Variants in TMCO5A observed in about 807,000 individuals in gnomAD.
TMCO5A encodes the protein transmembrane and coiled-coil domain-containing protein 5A.
In TMCO5A, 34 loss-of-function variants were observed where a neutral mutation model predicts 42.3. The ratio of observed to expected loss-of-function variants is 0.80; its 90% CI spans 0.61 to 1.07. The LOEUF (loss-of-function observed/expected upper bound fraction) is 1.07, where lower values mean the gene tolerates loss of function less well. TMCO5A is among the 50% of genes least tolerant of loss of function. The pLI, the probability that TMCO5A is intolerant of heterozygous loss-of-function variation, is 0.00. For synonymous variants in TMCO5A, 131 were observed against 115.6 expected (o/e 1.13, Z -0.86); for missense variants, 357 against 327.9 (o/e 1.09, Z -0.69).
the TMCO5A span, among the ~76,000 whole-genome samples, chr15:37,979,277 C>T: frequency 6.6e-6 from 1 of 151,582 alleles, no homozygotes; most frequent in African/African-American, 2.4e-5. Context: ...CTTTTTGCTC[C>T]CTCCCAAGCC....
intron 11 of TMCO5A, 117 bp from the exon 12 acceptor site, chr15:37,950,919 G>T: frequency 1.2e-6 from 1 of 826,152 alleles, no homozygotes. Flanking sequence ...TCAGGAAAGG[G>T]GGTGATAATC....
intron 10 of TMCO5A, among the ~76,000 whole-genome samples, chr15:37,946,879 C>G (rs937853218): frequency 6.6e-6 from 1 of 152,094 alleles, no homozygotes; most frequent in African/African-American, 2.4e-5. Flanking sequence ...GCCAGAACTT[C>G]CAATGCTATG....
chr15:37,978,355 CCACT>C, the TMCO5A span, among the ~76,000 whole-genome samples: 4 of 152,180 alleles, frequency 2.6e-5, no homozygotes, highest in Non-Finnish European at 4.4e-5. Flanking sequence ...TTGTCAGTTG[CCACT>C]CAGAGCTCGG....
the TMCO5A span, among the ~76,000 whole-genome samples, chr15:38,010,569 T>C: frequency 6.6e-6 from 1 of 151,934 alleles, no homozygotes; most frequent in Non-Finnish European, 1.5e-5. Context: ...AGGGGGAACC[T>C]GCAGAGGGAG....
chr15:38,009,683 C>A, the TMCO5A span, among the ~76,000 whole-genome samples: 1 of 152,120 alleles, frequency 6.6e-6, no homozygotes, highest in Non-Finnish European at 1.5e-5. Context: ...GTTAGATATC[C>A]AAACTTAGAG....
At chr15:38,000,838 A>C in the TMCO5A span, among the ~76,000 whole-genome samples, 1 of 152,042 alleles carries the variant, frequency 6.6e-6, no homozygotes, top group Non-Finnish European at 1.5e-5. Context: ...ATTGATTTCT[A>C]GTTTTATTCC....
intron 11 of TMCO5A, among the ~76,000 whole-genome samples, chr15:37,958,099 T>C (rs1009654829): frequency 1.3e-5 from 2 of 152,086 alleles, no homozygotes; most frequent in African/African-American, 4.8e-5. Flanking sequence ...TCAAGATGGA[T>C]TAAAGACTTA....
At chr15:38,040,566 A>C in the TMCO5A span, 1 of 152,240 alleles carries the variant, frequency 6.6e-6, no homozygotes. Flanking sequence ...TCAACTGATG[A>C]ATGGAGAAAT....
At chr15:37,936,219 A>G in intron 2 of TMCO5A, 95 bp from the exon 3 acceptor site, 1 of 1,397,436 alleles carries the variant, frequency 7.2e-7, no homozygotes, top group Non-Finnish European at 9.7e-7. Flanking sequence ...GAGTAAGGTT[A>G]ATAAACTAGA....
Position 37,951,355 on chromosome 15 carries a change from T to A in TMCO5A, c.*121T>A. The A allele has an allele frequency of 1.1e-6, 1 of 896,554 alleles. No homozygotes were observed. The highest frequency in any genetic ancestry group is 1.7e-6 in the Non-Finnish European group (1 of 584,500). 55.5% of individuals were successfully genotyped at this position (896,554 alleles called of 1,614,324 possible). A position where few individuals can be genotyped will look rare whatever the true frequency, so the allele number is the denominator to read the frequency against. On this transcript the variant is annotated 3_prime_UTR_variant, in exon 12 of 12. Coordinates refer to ENST00000319669, the MANE Select transcript of TMCO5A (RefSeq NM_152453.4). ...GTTTTTTCCTCACCGTTTGCCTGCTTGACTACCTTCTGTCACCACGTCATC... is the reference window on the plus strand; with the variant it reads ...GTTTTTTCCTCACCGTTTGCCTGCTAGACTACCTTCTGTCACCACGTCATC...
chr15:37,982,463 T>C, the TMCO5A span, among the ~76,000 whole-genome samples: 2 of 137,594 alleles, frequency 1.5e-5, no homozygotes, highest in East Asian at 4.0e-4. Context: ...ACACCTATTA[T>C]ATAATAGATA....
chr15:38,012,133 A>C, the TMCO5A span, among the ~76,000 whole-genome samples: 1 of 151,926 alleles, frequency 6.6e-6, no homozygotes, highest in Non-Finnish European at 1.5e-5. Flanking sequence ...CAAAAAAAAA[A>C]GAAAAAAAGA....
At chr15:38,036,714 C>A in the TMCO5A span, among the ~76,000 whole-genome samples, 1 of 152,108 alleles carries the variant, frequency 6.6e-6, no homozygotes, top group African/African-American at 2.4e-5. Context: ...CCAACTAAAA[C>A]ACCACCTTTT....
At chr15:38,000,591 A>C in the TMCO5A span, among the ~76,000 whole-genome samples, 6 of 151,854 alleles carry the variant, frequency 4.0e-5, no homozygotes, top group Non-Finnish European at 7.4e-5. Context: ...CAGTTCTTTA[A>C]AATGTATAAT....
intron 10 of TMCO5A, chr15:37,943,611 A>T (rs1359466413): frequency 1.9e-6 from 1 of 522,176 alleles, no homozygotes; most frequent in Non-Finnish European, 3.4e-6. Flanking sequence ...CATACAAATA[A>T]CAGGCTCTCA....
chr15:37,936,887 G>A lies in TMCO5A; in HGVS notation c.181G>A (p.Asp61Asn). The A allele has an allele frequency of 6.2e-7, 1 of 1,612,544 alleles. No individual in the cohort carries two copies. The highest frequency in any genetic ancestry group is 1.7e-4 in the Middle Eastern group (1 of 6,040). ...EIIQTRGLVE[D>N]EEWEKENRTT... is the part of the protein sequence containing the mutation. ...CATTCAGACGCGGGGCCTGGTGGAA[G>A]ATGAAGAGTGGGAGAAGGAGAACCG... is the stretch of plus-strand genomic sequence containing the variant. Residue 61 changes from aspartate (D) to asparagine (N), a missense_variant, in exon 4 of 12, where the codon GAT (aspartate) becomes AAT (asparagine). Physicochemically the swap from Asp to Asn is conservative, Grantham distance 23. Coordinates refer to ENST00000319669, the MANE Select transcript of TMCO5A (RefSeq NM_152453.4).
At chr15:37,993,031 A>G in the TMCO5A span, among the ~76,000 whole-genome samples, 2 of 152,138 alleles carry the variant, frequency 1.3e-5, no homozygotes, top group African/African-American at 2.4e-5. Flanking sequence ...AAATATTTTC[A>G]TTTCAGTTAT....
At chr15:38,005,395 CAAAAAA>C in the TMCO5A span, among the ~76,000 whole-genome samples, 4 of 44,030 alleles carry the variant, frequency 9.1e-5, no homozygotes, top group African/African-American at 3.4e-4. Flanking sequence ...CCATCTCTAC[CAAAAAA>C]AAAAAAAAAA....
the TMCO5A span, among the ~76,000 whole-genome samples, chr15:38,010,425 T>TCACACACACACACACACACACA: frequency 2.6e-5 from 3 of 117,440 alleles, no homozygotes; most frequent in Non-Finnish European, 3.4e-5. Context: ...CAGAGGGAGA[T>TCACACACACACACACACACACA]CACACACACA....
Sources: allele counts gnomAD v4.1 joint callset (sites outside exome capture counted in the v4.1 genomes callset), GRCh38; gene constraint gnomAD v4.1.1; transcripts MANE v1.5; gene names NCBI Gene and HGNC (gene_info 2026-07-23, HGNC 2026-07-21).